Variants in AFF3 observed in about 807,000 individuals in gnomAD.
The protein encoded by AFF3 is ALF transcription elongation factor 3.
In AFF3, 32 loss-of-function variants were observed where a neutral mutation model predicts 129.7. The observed-to-expected ratio is 0.25, with a 90% CI of 0.19 to 0.33. The LOEUF is 0.33. Among genes scored for constraint, AFF3 ranks in the 10% least tolerant of loss-of-function variants. The pLI, the probability that AFF3 is intolerant of heterozygous loss-of-function variation, is 1.00. For missense variants in AFF3, 1,373 were observed against 1,592.0 expected, an observed-to-expected ratio of 0.86 and a Z score of 2.34; for synonymous variants, 644 against 635.4, an observed-to-expected ratio of 1.01 and a Z score of -0.20.
intron 4 of AFF3, among the ~76,000 whole-genome samples, chr2:100,023,926 T>C (rs917732545): frequency 4.6e-5 from 7 of 152,282 alleles, no homozygotes; most frequent in African/African-American, 1.7e-4. Context: ...GAATATACTA[T>C]TCATATTTAG....
chr2:99,978,306 C>T (rs1048652848), intron 7 of AFF3, among the ~76,000 whole-genome samples: 6 of 152,014 alleles, frequency 3.9e-5, no homozygotes, highest in African/African-American at 1.5e-4. Flanking sequence ...AAGCTAAAAA[C>T]CCAGCAGATA....
chr2:99,571,279 T>C (rs1481194659), intron 18 of AFF3, among the ~76,000 whole-genome samples: 1 of 152,180 alleles, frequency 6.6e-6, no homozygotes, highest in African/African-American at 2.4e-5. Context: ...TACTCTAGTA[T>C]ATAAGTTAGG....
intron 9 of AFF3, among the ~76,000 whole-genome samples, chr2:99,747,822 T>C (rs1681294071): frequency 1.3e-5 from 2 of 152,144 alleles, no homozygotes; most frequent in South Asian, 4.2e-4. Flanking sequence ...TAGCTGATGT[T>C]TTCTTGGTGG....
At chr2:99,660,159 G>A (rs1686102951) in intron 12 of AFF3, among the ~76,000 whole-genome samples, 2 of 152,184 alleles carry the variant, frequency 1.3e-5, no homozygotes, top group Non-Finnish European at 2.9e-5. Context: ...CTTTGGTAGA[G>A]TCCTGTCCAC....
Position 99,795,723 on chromosome 2 carries a change from C to T in AFF3, c.921+41754G>A, listed in dbSNP as rs369467570. Among the ~76,000 whole-genome samples the T allele has an allele frequency of 3.3e-5, 5 of 151,692 alleles. No homozygotes were observed. In the South Asian group the frequency reaches 8.3e-4, roughly 25 times the overall value. ...TGCCTCTACAGTGCTGTATTTCTTACGTGTAGCAACTCTCCTCTCCTGTTC... is the reference window on the plus strand; with the variant it reads ...TGCCTCTACAGTGCTGTATTTCTTATGTGTAGCAACTCTCCTCTCCTGTTC... On this transcript the variant is annotated intron_variant, in intron 8 of 24. Transcript: ENST00000672756.
Position 100,077,402 on chromosome 2 carries a change from G to GT in AFF3, c.53+26999dup, listed in dbSNP as rs1688667632. On this transcript the variant is annotated intron_variant, in intron 4 of 24. Transcript: ENST00000672756. ...GGCTTTGAAGATGGAGGATGGGGCC[G>GT]TGAGTCAGAATGTGGAGCTCCTCTA... Among the ~76,000 whole-genome samples the GT allele has an allele frequency of 5.3e-5, 8 of 152,214 alleles. No individual in the cohort carries two copies. The South Asian group carries it at 1.7e-3, about 32-fold the overall frequency.
intron 4 of AFF3, among the ~76,000 whole-genome samples, chr2:100,023,241 C>T (rs1027149916): frequency 5.3e-5 from 8 of 152,230 alleles, no homozygotes; most frequent in Non-Finnish European, 7.3e-5. Context: ...GTGAGATTTG[C>T]CTGGTCTTCC....
chr2:99,929,539 T>C (rs1012376976), intron 7 of AFF3, among the ~76,000 whole-genome samples: 11 of 152,236 alleles, frequency 7.2e-5, no homozygotes, highest in Admixed American at 6.5e-5. Context: ...TATTTATTAA[T>C]GAATCTAGTT....
intron 11 of AFF3, among the ~76,000 whole-genome samples, chr2:99,716,912 T>C (rs1358396064): frequency 6.6e-6 from 1 of 151,276 alleles, no homozygotes; most frequent in Non-Finnish European, 1.5e-5. Flanking sequence ...ATATATCCCA[T>C]CATGGCAACT....
chr2:100,047,739 T>C (rs1685954614), intron 4 of AFF3, among the ~76,000 whole-genome samples: 1 of 152,182 alleles, frequency 6.6e-6, no homozygotes, highest in Admixed American at 6.5e-5. Context: ...CTGTAAGGAG[T>C]AAAACATCAT....
chr2:99,716,323 G>A lies in AFF3; in HGVS notation c.1091+10754C>T, dbSNP rs138717664. 3.9e-4 allele frequency among the ~76,000 whole-genome samples: 60 copies of A among 152,194 alleles called. 1 individual carries two copies. The highest frequency in any genetic ancestry group is 1.4e-3 in the African/African-American group (60 of 41,520). On this transcript the variant is annotated intron_variant, in intron 11 of 24. Coordinates refer to ENST00000672756, the MANE Select transcript of AFF3 (RefSeq NM_001386135.1). ...CTAGAGAAACAATATAAGAGCTCTG[G>A]GATAGTAGCAGAATGGGACAGTGGT...
In AFF3 at chr2:100,140,077, A is replaced by C. The variant is rs1311084827; in HGVS notation, c.-228+2407T>G. ...TTTAACTTGCCTTTACCGAAGGTGG[A>C]TTTCAACACGTTTTCCTTACATGAC... On this transcript the variant is annotated intron_variant, in intron 1 of 24. Transcript: ENST00000672756. 2.6e-5 allele frequency among the ~76,000 whole-genome samples: 4 copies of C among 152,196 alleles called. No individual in the cohort carries two copies. The East Asian group carries it at 7.7e-4, about 29-fold the overall frequency.
At chr2:100,054,798 T>A (rs1310307610) in intron 4 of AFF3, among the ~76,000 whole-genome samples, 1 of 152,206 alleles carries the variant, frequency 6.6e-6, no homozygotes, top group Non-Finnish European at 1.5e-5. Context: ...GATCCACTTG[T>A]ACACCTCTTA....
At chr2:99,962,801 T>A (rs1677358103) in intron 7 of AFF3, among the ~76,000 whole-genome samples, 1 of 150,000 alleles carries the variant, frequency 6.7e-6, no homozygotes, top group Admixed American at 6.6e-5. Context: ...TCTTTTTTAA[T>A]CATTAGAGTA....
intron 7 of AFF3, among the ~76,000 whole-genome samples, chr2:99,963,634 A>C (rs1228292177): frequency 1.3e-5 from 2 of 152,052 alleles, no homozygotes. Flanking sequence ...AAACAAAAAA[A>C]AACCCCAAAA....
intron 13 of AFF3, among the ~76,000 whole-genome samples, chr2:99,620,692 C>A (rs1279135866): frequency 6.6e-6 from 1 of 151,276 alleles, no homozygotes. Context: ...GTCCAAATCA[C>A]ATAATCTGAG....
chr2:99,710,077 A>T (rs1026640727), intron 11 of AFF3, among the ~76,000 whole-genome samples: 2 of 152,168 alleles, frequency 1.3e-5, no homozygotes, highest in Non-Finnish European at 2.9e-5. Context: ...TTATCTATAC[A>T]ATGGGATATT....
intron 8 of AFF3, among the ~76,000 whole-genome samples, chr2:99,775,170 A>G (rs1332348003): frequency 6.6e-6 from 1 of 152,220 alleles, no homozygotes; most frequent in Admixed American, 6.5e-5. Context: ...CGTGGAAGAC[A>G]GTGTGGCAAT....
intron 7 of AFF3, among the ~76,000 whole-genome samples, chr2:99,896,857 G>C (rs112060227): frequency 4.2e-4 from 63 of 151,642 alleles, no homozygotes; most frequent in African/African-American, 1.5e-3. Flanking sequence ...GGATGGTCTC[G>C]ATCTCCTGAC....
Sources: allele counts gnomAD v4.1 joint callset (sites outside exome capture counted in the v4.1 genomes callset), GRCh38; gene constraint gnomAD v4.1.1; transcripts MANE v1.5; gene names NCBI Gene and HGNC (gene_info 2026-07-23, HGNC 2026-07-21).